Variants in RBFOX3 observed in about 807,000 individuals in gnomAD.
The protein encoded by RBFOX3 is RNA binding fox-1 homolog 3.
A neutral mutation model predicts 48.7 loss-of-function variants in RBFOX3; 17 were observed. That is an observed-to-expected ratio of 0.35 (90% CI 0.24 to 0.52). The LOEUF is 0.52. Ranked by LOEUF, RBFOX3 falls within the 20% of genes least tolerant of loss-of-function variation. The pLI, the probability that RBFOX3 is intolerant of heterozygous loss-of-function variation, is 0.94. For synonymous variants in RBFOX3, 212 were observed against 209.5 expected (o/e 1.01, Z -0.10); for missense variants, 382 against 497.5 (o/e 0.77, Z 2.21).
intron 3 of RBFOX3, among the ~76,000 whole-genome samples, chr17:79,256,443 T>A (rs767898303): frequency 1.6e-4 from 24 of 152,230 alleles, no homozygotes; most frequent in Non-Finnish European, 2.9e-4. Flanking sequence ...AGCATGAGTG[T>A]CCCTAAATCA....
chr17:79,150,314 G>T (rs2044142275), intron 4 of RBFOX3, among the ~76,000 whole-genome samples: 1 of 151,980 alleles, frequency 6.6e-6, no homozygotes, highest in Non-Finnish European at 1.5e-5. Flanking sequence ...GACGCTCTGG[G>T]TCAAGGGGCA....
In RBFOX3 at chr17:79,536,030, T is replaced by C. The variant is rs1263659414; in HGVS notation, c.-319-53432A>G. ...CTCCCCACTTTCATTCCTGGCTAGA[T>C]TTAAGCTGGTCTCACAGGGGGCTGG... On this transcript the variant is annotated intron_variant, in intron 1 of 14. Coordinates refer to ENST00000693108, the MANE Select transcript of RBFOX3 (RefSeq NM_001350451.2). Among the ~76,000 whole-genome samples the C allele has an allele frequency of 1.3e-5, 2 of 152,166 alleles. 1 individual carries two copies. Among genetic ancestry groups the C allele is most frequent in the Non-Finnish European group, 2.9e-5 (2 of 68,020 alleles).
intron 3 of RBFOX3, among the ~76,000 whole-genome samples, chr17:79,288,499 G>A (rs1387464534): frequency 6.6e-6 from 1 of 151,192 alleles, no homozygotes; most frequent in Non-Finnish European, 1.5e-5. Context: ...CCGGCTTCCA[G>A]CCCCTCCATC....
rs1484136515 is a variant in RBFOX3, at chr17:79,198,190, G to T, written c.-34+37576C>A. 6.6e-6 allele frequency among the ~76,000 whole-genome samples: 1 copy of T among 152,160 alleles called. No individual in the cohort carries two copies. Among genetic ancestry groups the T allele is most frequent in the African/African-American group, 2.4e-5 (1 of 41,424 alleles). ...CCGGAAGTGCTACGGTTGCATCGCT[G>T]GACCATCCTCAACACTGGACCAGAC... On this transcript the variant is annotated intron_variant, in intron 4 of 14. Coordinates refer to ENST00000693108, the MANE Select transcript of RBFOX3 (RefSeq NM_001350451.2). This position sits in a 1 kb window ranked among gnomAD's most constrained non-coding sequence, Gnocchi z 8.2.
At chr17:79,395,788 C>A (rs530920810) in intron 2 of RBFOX3, among the ~76,000 whole-genome samples, 1 of 152,242 alleles carries the variant, frequency 6.6e-6, no homozygotes, top group Non-Finnish European at 1.5e-5. Flanking sequence ...GAGCCCATCA[C>A]GTCAGCCCTG....
intron 4 of RBFOX3, among the ~76,000 whole-genome samples, chr17:79,219,340 G>A (rs2147358702): frequency 6.6e-6 from 1 of 152,378 alleles, no homozygotes; most frequent in Admixed American, 6.5e-5. Flanking sequence ...TTCTGCGCAA[G>A]CCTAGAGGCT....
chr17:79,626,833 C>T, the RBFOX3 span, among the ~76,000 whole-genome samples: 1 of 152,306 alleles, frequency 6.6e-6, no homozygotes, highest in East Asian at 1.9e-4. Flanking sequence ...GGTGACCTCC[C>T]GGGGCTCAGC....
chr17:79,161,113 G>A (rs2046893076), intron 4 of RBFOX3, among the ~76,000 whole-genome samples: 1 of 152,140 alleles, frequency 6.6e-6, no homozygotes, highest in Non-Finnish European at 1.5e-5. Context: ...TAGCCCCTCT[G>A]CAGATAATCT....
chr17:79,454,865 A>G (rs1215285048), intron 2 of RBFOX3, among the ~76,000 whole-genome samples: 1 of 152,136 alleles, frequency 6.6e-6, no homozygotes, highest in Non-Finnish European at 1.5e-5. Flanking sequence ...CTCCCATTGT[A>G]GCTCCTCAGT....
In RBFOX3 at chr17:79,364,173, G is replaced by C. The variant is rs1037048465; in HGVS notation, c.-174-56349C>G. 2.6e-5 allele frequency among the ~76,000 whole-genome samples: 4 copies of C among 152,230 alleles called. No homozygotes were observed. The highest frequency in any genetic ancestry group is 7.2e-5 in the African/African-American group (3 of 41,464). ...CATGCCCAGAAGGCAGGCTCCGTGG[G>C]AACTGGTGTTCAGCCTTCCTCTCTG... On this transcript the variant is annotated intron_variant, in intron 2 of 14. Transcript: ENST00000693108. The surrounding 1 kb of genome is among the most constrained non-coding windows in gnomAD (Gnocchi z 5.1).
upstream of RBFOX3, among the ~76,000 whole-genome samples, chr17:79,611,657 C>T (rs1426406608): frequency 5.3e-5 from 8 of 152,150 alleles, no homozygotes; most frequent in Non-Finnish European, 7.3e-5. Flanking sequence ...GACGTGGTCA[C>T]CAAGCATCAG....
intron 2 of RBFOX3, among the ~76,000 whole-genome samples, chr17:79,320,515 C>T (rs141390849): frequency 1.3e-5 from 2 of 152,212 alleles, no homozygotes; most frequent in Non-Finnish European, 2.9e-5. Flanking sequence ...TTAAACACTT[C>T]CCAGCAGGGA....
At chr17:79,215,873 G>A (rs185097067) in intron 4 of RBFOX3, among the ~76,000 whole-genome samples, 1 of 152,388 alleles carries the variant, frequency 6.6e-6, no homozygotes, top group East Asian at 1.9e-4. Flanking sequence ...CAAGGCAGTG[G>A]GAAGCCACTC....
intron 11 of RBFOX3, 117 bp downstream of exon 11, chr17:79,097,175 C>T (rs952219346): frequency 1.1e-5 from 8 of 739,172 alleles, no homozygotes; most frequent in African/African-American, 2.4e-5. Context: ...CACGATCCTC[C>T]CCCCCCCCAG....
At chr17:79,281,314 C>G (rs1415424099) in intron 3 of RBFOX3, among the ~76,000 whole-genome samples, 1 of 151,754 alleles carries the variant, frequency 6.6e-6, no homozygotes, top group Non-Finnish European at 1.5e-5. Context: ...ATCCAAATGC[C>G]TTGGGGCTGG....
chr17:79,471,943 T>C lies in RBFOX3; in HGVS notation c.-175+10511A>G, dbSNP rs1355980910. On this transcript the variant is annotated intron_variant, in intron 2 of 14. Coordinates refer to ENST00000693108, the MANE Select transcript of RBFOX3 (RefSeq NM_001350451.2). The surrounding 1 kb of genome is among the most constrained non-coding windows in gnomAD (Gnocchi z 4.0). The stretch of plus-strand genomic sequence containing the variant: ...AGGAAAACCCTTTATGGAAACCTAC[T>C]ATGTGCAGCACTGTGGGAGAAACAA... Among the ~76,000 whole-genome samples the C allele has an allele frequency of 6.6e-6, 1 of 152,212 alleles. No homozygotes were observed. Among genetic ancestry groups the C allele is most frequent in the Non-Finnish European group, 1.5e-5 (1 of 68,040 alleles).
chr17:79,162,967 C>T (rs1008999313), intron 4 of RBFOX3, among the ~76,000 whole-genome samples: 2 of 152,168 alleles, frequency 1.3e-5, no homozygotes, highest in Non-Finnish European at 2.9e-5. Flanking sequence ...CGGAGGAGAC[C>T]GAGGTCTGTG....
chr17:79,448,860 A>T (rs1189207059), intron 2 of RBFOX3, among the ~76,000 whole-genome samples: 1 of 152,100 alleles, frequency 6.6e-6, no homozygotes, highest in African/African-American at 2.4e-5. Context: ...TGAAGGGAAA[A>T]CAGCCCCCAG....
intron 1 of RBFOX3, among the ~76,000 whole-genome samples, chr17:79,507,340 G>T (rs1188900226): frequency 2.0e-5 from 3 of 152,166 alleles, no homozygotes; most frequent in Non-Finnish European, 4.4e-5. Context: ...CCTCTCAGCA[G>T]TATAGGCCTA....
Sources: allele counts gnomAD v4.1 joint callset (sites outside exome capture counted in the v4.1 genomes callset), GRCh38; gene constraint gnomAD v4.1.1; non-coding constraint Gnocchi (gnomAD v3.1); transcripts MANE v1.5; gene names NCBI Gene and HGNC (gene_info 2026-07-23, HGNC 2026-07-21).